TCF12: variants seen among roughly 807,000 people sequenced by gnomAD.
The protein encoded by TCF12 is transcription factor 12.
A neutral mutation model predicts 86.0 loss-of-function variants in TCF12; 45 were observed. The observed-to-expected ratio is 0.52, with a 90% CI of 0.41 to 0.67. The LOEUF is 0.67. TCF12 is among the 30% of genes least tolerant of loss of function. The pLI, the probability that TCF12 is intolerant of heterozygous loss-of-function variation, is 0.00. For synonymous variants in TCF12, 330 were observed against 299.6 expected (o/e 1.10, Z -1.05); for missense variants, 881 against 859.9 (o/e 1.02, Z -0.31).
At chr15:57,032,726 T>A (rs1325692050) in intron 3 of TCF12, among the ~76,000 whole-genome samples, 1 of 152,228 alleles carries the variant, frequency 6.6e-6, no homozygotes, top group Non-Finnish European at 1.5e-5. Flanking sequence ...ATTACAGGCA[T>A]GAGCCACTGC....
chr15:57,070,083 G>A (rs1433287186), intron 4 of TCF12, among the ~76,000 whole-genome samples: 1 of 152,100 alleles, frequency 6.6e-6, no homozygotes, highest in African/African-American at 2.4e-5. Flanking sequence ...AAAGTTTGGG[G>A]CTTATACCTG....
intron 15 of TCF12, 22 bp from the exon 16 acceptor site, chr15:57,253,239 TG>T: frequency 1.2e-6 from 2 of 1,602,988 alleles, no homozygotes; most frequent in Non-Finnish European, 1.7e-6. Context: ...ATAACCACCA[TG>T]TTTTTTTTTT....
At chr15:57,173,629 G>T (rs775006062) in intron 6 of TCF12, among the ~76,000 whole-genome samples, 1 of 151,528 alleles carries the variant, frequency 6.6e-6, no homozygotes, top group African/African-American at 2.4e-5. Flanking sequence ...TGACAACTTA[G>T]ATTAAATAAA....
chr15:57,119,896 C>G lies in TCF12; in HGVS notation c.325+28005C>G, dbSNP rs141458373. 4.1e-4 allele frequency among the ~76,000 whole-genome samples: 63 copies of G among 152,326 alleles called. No homozygotes were observed. In the Middle Eastern group the frequency reaches 0.01, roughly 25 times the overall value. On this transcript the variant is annotated intron_variant, in intron 5 of 20. Transcript: ENST00000333725. Reference sequence around the variant, plus strand: ...TTTGGACCACCAACCTTGTTTCTGTCTCAGAACCTTAGCTAAATGCAGGGT... The same window carrying G: ...TTTGGACCACCAACCTTGTTTCTGTGTCAGAACCTTAGCTAAATGCAGGGT...
intron 3 of TCF12, among the ~76,000 whole-genome samples, chr15:57,003,344 T>C (rs139219206): frequency 3.6e-4 from 55 of 152,318 alleles, no homozygotes; most frequent in African/African-American, 1.2e-3. Context: ...TTATGTGTGT[T>C]TCTGTTTAAA....
chr15:57,077,343 G>T (rs1440688827), intron 4 of TCF12, among the ~76,000 whole-genome samples: 10 of 45,794 alleles, frequency 2.2e-4, no homozygotes, highest in African/African-American at 7.5e-4. Flanking sequence ...GTGTGTGTGT[G>T]TGTGTGTGTG....
chr15:56,966,071 G>A (rs2061987152), intron 3 of TCF12, among the ~76,000 whole-genome samples: 1 of 152,150 alleles, frequency 6.6e-6, no homozygotes, highest in East Asian at 1.9e-4. Flanking sequence ...ATAGTCTTAT[G>A]ATGAAGGTTG....
At chr15:57,204,741 G>C (rs1431016439) in intron 8 of TCF12, among the ~76,000 whole-genome samples, 1 of 148,946 alleles carries the variant, frequency 6.7e-6, no homozygotes, top group Non-Finnish European at 1.5e-5. Context: ...ACTAAATCCT[G>C]AGGGTGTCTA....
Position 56,968,688 on chromosome 15 carries a change from T to C in TCF12, c.148+47590T>C, listed in dbSNP as rs570052236. Among the ~76,000 whole-genome samples, 3 of 152,348 alleles carry C rather than the reference T, an allele frequency of 2.0e-5. No homozygotes were observed. In the South Asian group the frequency reaches 6.2e-4, roughly 32 times the overall value. On this transcript the variant is annotated intron_variant, in intron 3 of 20. Transcript: ENST00000333725. ...GACTTTCATTCGTGAACCCCAAATA[T>C]CTGAGACAGGTCTCAAGTCAATTTA...
chr15:57,173,859 C>A (rs1459348799), intron 6 of TCF12, among the ~76,000 whole-genome samples: 2 of 151,974 alleles, frequency 1.3e-5, no homozygotes, highest in African/African-American at 4.8e-5. Context: ...AGGTGCCCGC[C>A]ACCACGCCTG....
chr15:57,127,443 G>A (rs930522385), intron 5 of TCF12, among the ~76,000 whole-genome samples: 27 of 151,994 alleles, frequency 1.8e-4, no homozygotes, highest in African/African-American at 6.3e-4. Context: ...ACAAGTAAAG[G>A]CAACCTATAA....
At chr15:56,942,358 T>A (rs1338313425) in intron 3 of TCF12, among the ~76,000 whole-genome samples, 2 of 152,216 alleles carry the variant, frequency 1.3e-5, no homozygotes, top group Non-Finnish European at 2.9e-5. Flanking sequence ...TGTTAACATT[T>A]AATAATAATC....
At chr15:57,227,035 A>G (rs182330474) in intron 8 of TCF12, among the ~76,000 whole-genome samples, 9 of 152,250 alleles carry the variant, frequency 5.9e-5, no homozygotes, top group African/African-American at 2.2e-4. Flanking sequence ...CAATTAGGAT[A>G]TATAGCTATT....
rs1244803914 is a variant in TCF12, at chr15:57,286,454, C to T, written c.*309C>T. On this transcript the variant is annotated 3_prime_UTR_variant, in exon 21 of 21. Coordinates refer to ENST00000333725, the MANE Select transcript of TCF12 (RefSeq NM_207037.2). ...AGACTGTCTCGATCTCTCCACTCAC[C>T]GTGGAAGTTGCCTTGTGCCTAAACT... 1.1e-5 allele frequency: 4 copies of T among 357,590 alleles called. No individual in the cohort carries two copies. The highest frequency in any genetic ancestry group is 2.1e-5 in the African/African-American group (1 of 46,848). 22.2% of individuals were successfully genotyped at this position (357,590 alleles called of 1,614,324 possible). A position where few individuals can be genotyped will look rare whatever the true frequency, so the allele number is the denominator to read the frequency against.
intron 5 of TCF12, among the ~76,000 whole-genome samples, chr15:57,092,263 TAGC>T (rs1272339160): frequency 6.6e-6 from 1 of 152,196 alleles, no homozygotes; most frequent in Non-Finnish European, 1.5e-5. Context: ...AAATGTGACA[TAGC>T]AGTGATTTTA....
intron 3 of TCF12, among the ~76,000 whole-genome samples, chr15:57,027,564 A>G (rs1365890015): frequency 6.6e-6 from 1 of 152,022 alleles, no homozygotes; most frequent in East Asian, 1.9e-4. Context: ...TTTCTTGGAT[A>G]CATACTGAGT....
chr15:57,282,982 A>G (rs368676575), intron 20 of TCF12, among the ~76,000 whole-genome samples: 3 of 152,276 alleles, frequency 2.0e-5, no homozygotes. Flanking sequence ...TATATCATCA[A>G]CCAGTTTTCT....
intron 5 of TCF12, among the ~76,000 whole-genome samples, chr15:57,107,211 G>T (rs2050190972): frequency 6.6e-6 from 1 of 152,142 alleles, no homozygotes; most frequent in African/African-American, 2.4e-5. Flanking sequence ...CATTCAGAGA[G>T]TGAAATATTA....
Position 57,253,371 on chromosome 15 carries a change from A to G in TCF12, c.1370A>G (p.His457Arg), listed in dbSNP as rs1402162756. 11 of 1,613,994 alleles carry G rather than the reference A, an allele frequency of 6.8e-6. No homozygotes were observed. Among genetic ancestry groups the G allele is most frequent in the African/African-American group, 2.7e-5 (2 of 74,928 alleles). Residue 457 changes from histidine (H) to arginine (R), a missense_variant, in exon 16 of 21, where the codon CAT becomes CGT. Physicochemically the swap from His to Arg is conservative, Grantham distance 29. Around this residue, in one of 3 missense-constraint regions of TCF12, gnomAD observed 766 missense variants for 718.9 expected, o/e 1.07. Coordinates refer to ENST00000333725, the MANE Select transcript of TCF12 (RefSeq NM_207037.2). The stretch of plus-strand genomic sequence containing the variant: ...TTGCCTGCTGGTCACAGTGATATAC[A>G]TAGTTTATTGGGACCATCCCATAAT... ...TSLPAGHSDI[H>R]SLLGPSHNAP... is the part of the protein sequence containing the mutation.
Sources: gnomAD v4.1 joint callset for allele counts (sites outside exome capture counted in the v4.1 genomes callset) on GRCh38, gnomAD v4.1.1 for gene constraint, gnomAD v4.1.1 regional missense constraint, MANE v1.5 for transcripts, NCBI Gene and HGNC (gene_info 2026-07-23, HGNC 2026-07-21) for gene names.